Variants in MAP2K6 observed in about 807,000 individuals in gnomAD.
MAP2K6 encodes dual specificity mitogen-activated protein kinase kinase 6.
A neutral mutation model predicts 53.7 loss-of-function variants in MAP2K6; 16 were observed. That is an observed-to-expected ratio of 0.30 (90% CI 0.20 to 0.45). The LOEUF is 0.45. Ranked by LOEUF, MAP2K6 falls within the 20% of genes least tolerant of loss-of-function variation. The pLI is 1.00. For missense variants in MAP2K6, 204 were observed against 411.9 expected, an observed-to-expected ratio of 0.50 and a Z score of 4.37; for synonymous variants, 132 against 143.1, an observed-to-expected ratio of 0.92 and a Z score of 0.55.
Position 69,536,125 on chromosome 17 carries a change from A to G in MAP2K6, c.892A>G (p.Asn298Asp), listed in dbSNP as rs751724484. The G allele has an allele frequency of 1.9e-6, 3 of 1,609,026 alleles. No homozygotes were observed. Among genetic ancestry groups the G allele is most frequent in the Non-Finnish European group, 2.6e-6 (3 of 1,176,262 alleles). ...TTTTTTTTCTTTAAGCTTAAAGAAGAATTCCAAAGAACGGCCTACATACCC... is the reference window on the plus strand; with the variant it reads ...TTTTTTTTCTTTAAGCTTAAAGAAGGATTCCAAAGAACGGCCTACATACCC... ...VDFTSQCLKK[N>D]SKERPTYPEL... Residue 298 changes from asparagine to aspartate, a missense_variant, in exon 11 of 12, where the codon AAT becomes GAT. Around this residue, in one of 3 missense-constraint regions of MAP2K6, gnomAD observed 47 missense variants for 62.3 expected, o/e 0.75. Coordinates refer to ENST00000590474, the MANE Select transcript of MAP2K6 (RefSeq NM_002758.4).
chr17:69,467,173 G>A (rs751704016), intron 1 of MAP2K6, among the ~76,000 whole-genome samples: 5 of 152,138 alleles, frequency 3.3e-5, no homozygotes, highest in African/African-American at 1.2e-4. Flanking sequence ...CTGCATCCTA[G>A]GCAGTAATAA....
intron 8 of MAP2K6, among the ~76,000 whole-genome samples, chr17:69,524,437 G>A (rs1161647244): frequency 6.7e-6 from 1 of 150,368 alleles, no homozygotes; most frequent in East Asian, 1.9e-4. Context: ...TGGAGGAACG[G>A]CCACTAGATT....
chr17:69,505,824 G>T lies in MAP2K6; in HGVS notation c.61G>T (p.Glu21Ter). ...CCTTAAAATTCCAAAAGAAGCATTT[G>T]AACAACCTCAGACCAGTTCCACGTA... ...PGLKIPKEAF[E>*]QPQTSSTPPR... Residue 21 changes from glutamate (E) to a stop codon, truncating the protein, a stop_gained, in exon 2 of 12, where the codon GAA becomes TAA. Transcript: ENST00000590474. LOFTEE classifies it high-confidence loss of function. The T allele has an allele frequency of 6.2e-7, 1 of 1,613,792 alleles. No individual in the cohort carries two copies. The highest frequency in any genetic ancestry group is 1.1e-5 in the South Asian group (1 of 91,046).
chr17:69,464,146 G>A (rs540824699), intron 1 of MAP2K6, among the ~76,000 whole-genome samples: 4 of 151,584 alleles, frequency 2.6e-5, no homozygotes, highest in African/African-American at 9.7e-5. Context: ...GTGCAGTGGT[G>A]TGATCTCAGC....
At chr17:69,519,901 T>A in intron 5 of MAP2K6, 1 of 226,188 alleles carries the variant, frequency 4.4e-6, no homozygotes, top group Non-Finnish European at 8.6e-6. Flanking sequence ...TGACTGTTGC[T>A]GGTATTTAGT....
Position 69,449,816 on chromosome 17 carries a change from T to C in MAP2K6, c.16+34816T>C, listed in dbSNP as rs1170714556. Among the ~76,000 whole-genome samples, 16 of 151,584 alleles carry C rather than the reference T, an allele frequency of 1.1e-4. No homozygotes were observed. In the East Asian group the frequency reaches 2.9e-3, roughly 28 times the overall value. ...TTTTAGTAGAGACGGGGTTTCACCA[T>C]GTTAGCCAGGATGGTCTCGATCTCC... On this transcript the variant is annotated intron_variant, in intron 1 of 11. Transcript: ENST00000590474.
intron 10 of MAP2K6, among the ~76,000 whole-genome samples, chr17:69,533,446 A>G (rs1317271512): frequency 6.6e-6 from 1 of 152,180 alleles, no homozygotes; most frequent in Non-Finnish European, 1.5e-5. Context: ...ACATTTGAGA[A>G]ACAAGCTTTT....
intron 1 of MAP2K6, among the ~76,000 whole-genome samples, chr17:69,469,332 A>G (rs889612433): frequency 2.0e-5 from 3 of 152,222 alleles, no homozygotes; most frequent in Non-Finnish European, 2.9e-5. Context: ...TCAATCATTA[A>G]CTTTAATCAC....
rs552029198 is a variant in MAP2K6, at chr17:69,485,445, T to A, written c.17-20335T>A. Reference sequence around the variant, plus strand: ...ATTTTCTCTTATCTCTATGGAACATTGACTACTTCCTCAGAAGCTTATACA... The same window carrying A: ...ATTTTCTCTTATCTCTATGGAACATAGACTACTTCCTCAGAAGCTTATACA... On this transcript the variant is annotated intron_variant, in intron 1 of 11. Transcript: ENST00000590474. 6 of 981,490 alleles carry A rather than the reference T, an allele frequency of 6.1e-6. No homozygotes were observed. In the East Asian group the frequency reaches 6.8e-4, roughly 112 times the overall value. 60.8% of individuals were successfully genotyped at this position (981,490 alleles called of 1,614,324 possible). A position where few individuals can be genotyped will look rare whatever the true frequency, so the allele number is the denominator to read the frequency against.
chr17:69,432,367 G>A (rs959049339), intron 1 of MAP2K6, among the ~76,000 whole-genome samples: 28 of 152,142 alleles, frequency 1.8e-4, no homozygotes, highest in African/African-American at 6.8e-4. Flanking sequence ...GTTTATTGCA[G>A]CACTATTCAC....
intron 1 of MAP2K6, among the ~76,000 whole-genome samples, chr17:69,484,611 CA>C (rs956894361): frequency 4.6e-5 from 7 of 151,824 alleles, no homozygotes; most frequent in Admixed American, 1.3e-4. Context: ...TATGCTCACT[CA>C]AAAAACTTGT....
At chr17:69,457,181 G>A (rs970662936) in intron 1 of MAP2K6, among the ~76,000 whole-genome samples, 1 of 152,206 alleles carries the variant, frequency 6.6e-6, no homozygotes, top group South Asian at 2.1e-4. Context: ...GAAGGATGCA[G>A]CTTGGGATTT....
At chr17:69,533,731 G>GTT (rs199915836) in intron 10 of MAP2K6, among the ~76,000 whole-genome samples, 57 of 114,994 alleles carry the variant, frequency 5.0e-4, no homozygotes, top group African/African-American at 1.2e-3. Flanking sequence ...CTTCTAGCCT[G>GTT]TTTGTTTTTT....
chr17:69,431,244 G>T (rs377547991), intron 1 of MAP2K6, among the ~76,000 whole-genome samples: 3 of 152,080 alleles, frequency 2.0e-5, no homozygotes, highest in Non-Finnish European at 2.9e-5. Context: ...AAACACTAAA[G>T]TTCATGCTTC....
chr17:69,450,835 T>C (rs1056145195), intron 1 of MAP2K6, among the ~76,000 whole-genome samples: 1 of 151,940 alleles, frequency 6.6e-6, no homozygotes, highest in African/African-American at 2.4e-5. Context: ...AACAGAAATA[T>C]GTAATAAAAT....
At chr17:69,529,993 CA>C (rs1235428976) in intron 10 of MAP2K6, among the ~76,000 whole-genome samples, 4 of 152,124 alleles carry the variant, frequency 2.6e-5, no homozygotes, top group African/African-American at 9.7e-5. Flanking sequence ...CCAGCTACCA[CA>C]GTTCATTAAT....
intron 1 of MAP2K6, among the ~76,000 whole-genome samples, chr17:69,485,641 A>G (rs1238062728): frequency 6.6e-6 from 1 of 152,066 alleles, no homozygotes; most frequent in Non-Finnish European, 1.5e-5. Flanking sequence ...GCTTCCCTTC[A>G]CATCAGATTT....
chr17:69,461,041 G>C (rs1907608747), intron 1 of MAP2K6, among the ~76,000 whole-genome samples: 1 of 152,180 alleles, frequency 6.6e-6, no homozygotes, highest in African/African-American at 2.4e-5. Context: ...CCTTAGAGAA[G>C]TAGGATGTGA....
chr17:69,453,469 G>A (rs929517525), intron 1 of MAP2K6, among the ~76,000 whole-genome samples: 18 of 152,202 alleles, frequency 1.2e-4, no homozygotes, highest in African/African-American at 3.9e-4. Flanking sequence ...GGAAGGTGTG[G>A]ACATGGAGAT....
Sources: gnomAD v4.1 joint callset for allele counts (sites outside exome capture counted in the v4.1 genomes callset) on GRCh38, gnomAD v4.1.1 for gene constraint, gnomAD v4.1.1 regional missense constraint, MANE v1.5 for transcripts, NCBI Gene and HGNC (gene_info 2026-07-23, HGNC 2026-07-21) for gene names.